MINDY3: variants seen among roughly 807,000 people sequenced by gnomAD.
MINDY3 encodes MINDY lysine 48 deubiquitinase 3.
In MINDY3, 38 loss-of-function variants were observed where a neutral mutation model predicts 69.2. The ratio of observed to expected loss-of-function variants is 0.55; its 90% confidence interval spans 0.42 to 0.72. The LOEUF is 0.72. Ranked by LOEUF, MINDY3 falls within the 30% of genes least tolerant of loss-of-function variation. MINDY3 has a pLI of 0.00. For missense variants in MINDY3, 522 were observed against 519.0 expected (o/e 1.01, Z -0.06); for synonymous variants, 192 against 180.1 (o/e 1.07, Z -0.53).
At chr10:15,799,658 G>C (rs1838111111) in intron 10 of MINDY3, among the ~76,000 whole-genome samples, 1 of 152,148 alleles carries the variant, frequency 6.6e-6, no homozygotes, top group Non-Finnish European at 1.5e-5. Context: ...GAAAGGCAGG[G>C]AGATGTGACT....
At chr10:15,816,282 G>GAAAAAAAAAAAAAAAAAA (rs1421619763) in intron 10 of MINDY3, among the ~76,000 whole-genome samples, 2 of 108,504 alleles carry the variant, frequency 1.8e-5, no homozygotes, top group African/African-American at 6.2e-5. Context: ...AAAAAAAAAT[G>GAAAAAAAAAAAAAAAAAA]AAAAAGAAAA....
At chr10:15,795,194 A>G (rs1054290007) in intron 11 of MINDY3, among the ~76,000 whole-genome samples, 2 of 152,060 alleles carry the variant, frequency 1.3e-5, no homozygotes, top group African/African-American at 2.4e-5. Context: ...TTTAATATTC[A>G]TAACGCCTCT....
In MINDY3 at chr10:15,841,606, A is replaced by C; in HGVS notation, c.236-7T>G. On this transcript the variant is annotated splice_region_variant and splice_polypyrimidine_tract_variant and intron_variant, in intron 3 of 14. Transcript: ENST00000277632. ...AGTTCCTTCTGCTCTTCCTCTAAAAATAACCAAAGCATAAGTTATAATGGT... is the reference window on the plus strand; with the variant it reads ...AGTTCCTTCTGCTCTTCCTCTAAAACTAACCAAAGCATAAGTTATAATGGT... 6.3e-7 allele frequency: 1 copy of C among 1,592,864 alleles called. No individual in the cohort carries two copies. The highest frequency in any genetic ancestry group is 8.6e-7 in the Non-Finnish European group (1 of 1,169,466).
chr10:15,817,087 T>C, intron 9 of MINDY3, 172 bp from the exon 10 acceptor site: 1 of 597,792 alleles, frequency 1.7e-6, no homozygotes, highest in Non-Finnish European at 2.9e-6. Flanking sequence ...TAAAAATGAG[T>C]GTTAGAAGAC....
At chr10:15,859,894 C>T (rs1834970707) in intron 1 of MINDY3, among the ~76,000 whole-genome samples, 1 of 152,180 alleles carries the variant, frequency 6.6e-6, no homozygotes, top group Non-Finnish European at 1.5e-5. Context: ...CACCGGGGCA[C>T]GGGGCGCATC....
At chr10:15,830,290 C>A (rs1840367826) in intron 8 of MINDY3, among the ~76,000 whole-genome samples, 1 of 152,184 alleles carries the variant, frequency 6.6e-6, no homozygotes, top group South Asian at 2.1e-4. Flanking sequence ...CAGTGGCAAA[C>A]ATGTATTGAA....
chr10:15,787,969 C>A (rs1009536479), intron 12 of MINDY3, among the ~76,000 whole-genome samples: 4 of 152,064 alleles, frequency 2.6e-5, no homozygotes, highest in African/African-American at 9.7e-5. Context: ...TCAAGAAAAA[C>A]AACCTGATTG....
intron 8 of MINDY3, among the ~76,000 whole-genome samples, chr10:15,824,491 A>G (rs1381453078): frequency 1.3e-5 from 2 of 152,186 alleles, no homozygotes; most frequent in Non-Finnish European, 2.9e-5. Flanking sequence ...TAAGAGTGTA[A>G]AGGGCATGAG....
chr10:15,778,939 C>A lies in MINDY3; in HGVS notation c.*53G>T, dbSNP rs1353822099. ...TAATCCAGCCAATTGCCAGTCTTGA[C>A]TCCTTCTTTCAACATCTGTTATTAA... On this transcript the variant is annotated 3_prime_UTR_variant, in exon 15 of 15. Transcript: ENST00000277632. The A allele has an allele frequency of 1.9e-5, 29 of 1,537,396 alleles. No homozygotes were observed. Among genetic ancestry groups the A allele is most frequent in the East Asian group, 2.3e-5 (1 of 42,972 alleles).
rs1179274955 is a variant in MINDY3, at chr10:15,833,724, T to G, written c.651-15A>C. 6.6e-7 allele frequency: 1 copy of G among 1,519,876 alleles called. No individual in the cohort carries two copies. Among genetic ancestry groups the G allele is most frequent in the Non-Finnish European group, 9.1e-7 (1 of 1,095,620 alleles). 94.1% of individuals were successfully genotyped at this position (1,519,876 alleles called of 1,614,324 possible). A position where few individuals can be genotyped will look rare whatever the true frequency, so the allele number is the denominator to read the frequency against. ...TTAAACTTTGGCTATTAATAAATAT[T>G]AAAAAGCAATTAAATATGAATATAG... On this transcript the variant is annotated splice_polypyrimidine_tract_variant and intron_variant, in intron 7 of 14. Transcript: ENST00000277632.
chr10:15,829,071 G>A (rs188393816), intron 8 of MINDY3, among the ~76,000 whole-genome samples: 3 of 152,228 alleles, frequency 2.0e-5, no homozygotes, highest in East Asian at 3.9e-4. Context: ...TAGGCACCTC[G>A]TTTACAGAAG....
rs969569496 is a variant in MINDY3 at position 15,819,062 on chromosome 10, C to T, written c.802-2147G>A. Among the ~76,000 whole-genome samples the T allele has an allele frequency of 2.6e-5, 4 of 152,030 alleles. No homozygotes were observed. The East Asian group carries it at 5.8e-4, about 22-fold the overall frequency. On this transcript the variant is annotated intron_variant, in intron 9 of 14. Transcript: ENST00000277632. ...CACCTTATTCTTTGTTGGGTTTGTACGTGTGTGTTGAGAGGGAGAGTGCAG... is the reference window on the plus strand; with the variant it reads ...CACCTTATTCTTTGTTGGGTTTGTATGTGTGTGTTGAGAGGGAGAGTGCAG...
chr10:15,844,543 T>C (rs1180190175), intron 2 of MINDY3, among the ~76,000 whole-genome samples: 1 of 152,218 alleles, frequency 6.6e-6, no homozygotes, highest in African/African-American at 2.4e-5. Flanking sequence ...AAGCTATTTA[T>C]CAAAGTTTAC....
chr10:15,796,948 C>T (rs961835025), intron 10 of MINDY3, among the ~76,000 whole-genome samples: 2 of 152,038 alleles, frequency 1.3e-5, no homozygotes, highest in Admixed American at 1.3e-4. Flanking sequence ...TAGCTTTTAC[C>T]TATAATTGTC....
intron 10 of MINDY3, among the ~76,000 whole-genome samples, chr10:15,800,722 T>C (rs766089065): frequency 6.6e-6 from 1 of 152,142 alleles, no homozygotes; most frequent in Non-Finnish European, 1.5e-5. Flanking sequence ...TCTGCTGCTG[T>C]GGTTGCTCAC....
chr10:15,795,416 T>C (rs1837740510), intron 11 of MINDY3, among the ~76,000 whole-genome samples: 1 of 152,042 alleles, frequency 6.6e-6, no homozygotes, highest in Admixed American at 6.6e-5. Context: ...CATTCAGATA[T>C]CTACAAGGAC....
At chr10:15,812,424 A>C (rs1839068164) in intron 10 of MINDY3, among the ~76,000 whole-genome samples, 1 of 152,112 alleles carries the variant, frequency 6.6e-6, no homozygotes, top group African/African-American at 2.4e-5. Context: ...CTGATATTTT[A>C]CTCTATCTTA....
At chr10:15,798,129 T>C (rs1241488126) in intron 10 of MINDY3, among the ~76,000 whole-genome samples, 3 of 152,184 alleles carry the variant, frequency 2.0e-5, no homozygotes, top group Non-Finnish European at 4.4e-5. Flanking sequence ...GGAAAAGTTC[T>C]GAAATGAGTT....
chr10:15,820,823 G>A (rs1839705972), intron 9 of MINDY3, among the ~76,000 whole-genome samples: 1 of 152,188 alleles, frequency 6.6e-6, no homozygotes, highest in African/African-American at 2.4e-5. Flanking sequence ...AGAAAAGGAA[G>A]GTCAGGTGCC....
Sources: allele counts gnomAD v4.1 joint callset (sites outside exome capture counted in the v4.1 genomes callset), GRCh38; gene constraint gnomAD v4.1.1; transcripts MANE v1.5; gene names NCBI Gene and HGNC (gene_info 2026-07-23, HGNC 2026-07-21).